Variants in CSMD3 observed in about 807,000 individuals in gnomAD.
CSMD3 encodes the protein CUB and sushi domain-containing protein 3.
CSMD3 carries 177 observed loss-of-function variants against 435.2 expected under a neutral mutation model. The observed-to-expected ratio is 0.41, with a 90% CI of 0.36 to 0.46. The LOEUF (loss-of-function observed/expected upper bound fraction) is 0.46. CSMD3 is among the 20% of genes least tolerant of loss of function. The pLI, the probability that CSMD3 is intolerant of heterozygous loss-of-function variation, is 0.34. For missense variants in CSMD3, 4,265 were observed against 4,504.6 expected (o/e 0.95, Z 1.52); for synonymous variants, 1,656 against 1,520.5 (o/e 1.09, Z -2.07).
rs537345366 is a variant in CSMD3 at position 112,392,514 on chromosome 8, C to A, written c.5810-1726G>T. Among the ~76,000 whole-genome samples, 4 of 151,642 alleles carry A rather than the reference C, an allele frequency of 2.6e-5. No individual in the cohort carries two copies. The East Asian group carries it at 7.7e-4, about 29-fold the overall frequency. ...TTTTGCATGATTTGAGAATGACATGCAAAAGACAGAGGAAGAAATTTAAAA... is the reference window on the plus strand; with the variant it reads ...TTTTGCATGATTTGAGAATGACATGAAAAAGACAGAGGAAGAAATTTAAAA... On this transcript the variant is annotated intron_variant, in intron 35 of 70. Coordinates refer to ENST00000297405, the MANE Select transcript of CSMD3 (RefSeq NM_198123.2).
intron 1 of CSMD3, among the ~76,000 whole-genome samples, chr8:113,410,061 A>G (rs1423842653): frequency 6.6e-6 from 1 of 152,146 alleles, no homozygotes; most frequent in Non-Finnish European, 1.5e-5. Context: ...CACTGTCATC[A>G]CAGATGATAT....
chr8:113,248,306 A>T (rs2132281894), intron 3 of CSMD3, among the ~76,000 whole-genome samples: 1 of 151,474 alleles, frequency 6.6e-6, no homozygotes, highest in African/African-American at 2.4e-5. Flanking sequence ...AGTAACTTAG[A>T]TTAAAATTAA....
chr8:112,386,428 G>C (rs1469472489), intron 36 of CSMD3, among the ~76,000 whole-genome samples: 3 of 152,140 alleles, frequency 2.0e-5, no homozygotes, highest in Admixed American at 2.0e-4. Flanking sequence ...AATGCTATGA[G>C]ATTTGTTAAG....
At chr8:113,128,801 C>T (rs1195755004) in intron 4 of CSMD3, among the ~76,000 whole-genome samples, 2 of 151,980 alleles carry the variant, frequency 1.3e-5, no homozygotes, top group East Asian at 3.9e-4. Flanking sequence ...CAAATTAATA[C>T]ATAGCTACAT....
chr8:112,670,513 A>C (rs2075631511), intron 16 of CSMD3, among the ~76,000 whole-genome samples: 1 of 152,198 alleles, frequency 6.6e-6, no homozygotes, highest in Non-Finnish European at 1.5e-5. Context: ...AGATTGTTGC[A>C]ACTATCTAGG....
chr8:113,301,055 GA>G (rs996544056), intron 2 of CSMD3, among the ~76,000 whole-genome samples: 1 of 152,044 alleles, frequency 6.6e-6, no homozygotes, highest in Non-Finnish European at 1.5e-5. Context: ...GTTGCTTAGG[GA>G]TGTTCATGTA....
intron 13 of CSMD3, among the ~76,000 whole-genome samples, chr8:112,691,598 T>C (rs1211861212): frequency 6.6e-6 from 1 of 152,146 alleles, no homozygotes; most frequent in Non-Finnish European, 1.5e-5. Flanking sequence ...CAAGGTTTGC[T>C]GGTAGTTTAG....
chr8:112,922,240 G>T (rs1427620411), intron 9 of CSMD3, among the ~76,000 whole-genome samples: 1 of 151,900 alleles, frequency 6.6e-6, no homozygotes, highest in Non-Finnish European at 1.5e-5. Context: ...AAATTTTTGT[G>T]GGTATATAGT....
chr8:112,877,064 T>G (rs199665481), intron 10 of CSMD3, among the ~76,000 whole-genome samples: 1 of 151,852 alleles, frequency 6.6e-6, no homozygotes. Context: ...ATGTGAAGGA[T>G]CTCTTCAAGG....
chr8:113,344,977 C>T (rs1192968033), intron 1 of CSMD3, among the ~76,000 whole-genome samples: 1 of 152,040 alleles, frequency 6.6e-6, no homozygotes, highest in Non-Finnish European at 1.5e-5. Flanking sequence ...ATACAGATTT[C>T]ATAAGTCATG....
At chr8:113,089,257 T>A (rs534835239) in intron 5 of CSMD3, among the ~76,000 whole-genome samples, 5 of 152,210 alleles carry the variant, frequency 3.3e-5, no homozygotes, top group Non-Finnish European at 7.4e-5. Flanking sequence ...ATAATGTTAT[T>A]CCTGGAACAA....
At chr8:112,833,573 A>AT (rs1175696731) in intron 11 of CSMD3, among the ~76,000 whole-genome samples, 1 of 151,920 alleles carries the variant, frequency 6.6e-6, no homozygotes, top group African/African-American at 2.4e-5. Flanking sequence ...AAATTATGTA[A>AT]TTTTAAAATC....
intron 35 of CSMD3, among the ~76,000 whole-genome samples, chr8:112,393,372 T>C (rs1266238738): frequency 6.6e-6 from 1 of 152,156 alleles, no homozygotes; most frequent in Non-Finnish European, 1.5e-5. Context: ...TACCCATCTA[T>C]GGACTTTCAG....
intron 3 of CSMD3, among the ~76,000 whole-genome samples, chr8:113,187,364 C>T (rs2092521948): frequency 6.6e-6 from 1 of 151,770 alleles, no homozygotes; most frequent in Admixed American, 6.6e-5. Context: ...CATCACCAAC[C>T]TCAGAACAGT....
At chr8:113,040,432 G>A (rs770265919) in intron 5 of CSMD3, among the ~76,000 whole-genome samples, 1 of 152,174 alleles carries the variant, frequency 6.6e-6, no homozygotes, top group Non-Finnish European at 1.5e-5. Flanking sequence ...AACAGAGTAG[G>A]GTTAGGGCAG....
intron 45 of CSMD3, among the ~76,000 whole-genome samples, chr8:112,328,037 C>A (rs1348239860): frequency 6.6e-6 from 1 of 152,166 alleles, no homozygotes; most frequent in Non-Finnish European, 1.5e-5. Flanking sequence ...AAAAAAAGCA[C>A]AAGCACATAA....
At chr8:113,168,547 A>AAAAAAAAAAC (rs2092205977) in intron 4 of CSMD3, among the ~76,000 whole-genome samples, 1 of 145,576 alleles carries the variant, frequency 6.9e-6, no homozygotes, top group African/African-American at 2.5e-5. Context: ...AAAAAAAAAA[A>AAAAAAAAAAC]CTACAGATTT....
intron 2 of CSMD3, among the ~76,000 whole-genome samples, chr8:113,308,489 C>T (rs1421012496): frequency 6.6e-6 from 1 of 151,816 alleles, no homozygotes; most frequent in Non-Finnish European, 1.5e-5. Flanking sequence ...AGGATAGTCT[C>T]GATCTCCTAA....
At chr8:113,178,238 T>C (rs936617103) in intron 3 of CSMD3, among the ~76,000 whole-genome samples, 2 of 151,950 alleles carry the variant, frequency 1.3e-5, no homozygotes, top group African/African-American at 4.8e-5. Flanking sequence ...CTCCCCATTG[T>C]GTAGAAAGGA....
Sources: allele counts gnomAD v4.1 joint callset (sites outside exome capture counted in the v4.1 genomes callset), GRCh38; gene constraint gnomAD v4.1.1; transcripts MANE v1.5; gene names NCBI Gene and HGNC (gene_info 2026-07-23, HGNC 2026-07-21).